Variants in SLC26A9 observed in about 807,000 individuals in gnomAD.
SLC26A9 encodes solute carrier family 26 member 9.
In SLC26A9, 46 loss-of-function variants were observed where a neutral mutation model predicts 87.1. That is an observed-to-expected ratio of 0.53 (90% CI 0.42 to 0.67). The LOEUF is 0.67. SLC26A9 is among the 30% of genes least tolerant of loss of function. The probability of loss-of-function intolerance (pLI) is 0.00; values close to 1 mark genes in which losing one functional copy is unlikely to be tolerated. For synonymous variants in SLC26A9, 437 were observed against 409.1 expected (o/e 1.07, Z -0.82); for missense variants, 927 against 1,018.3 (o/e 0.91, Z 1.22).
At chr1:205,928,117 C>A (rs1659158284) in intron 8 of SLC26A9, 68 bp from the exon 9 acceptor site, 2 of 1,554,758 alleles carry the variant, frequency 1.3e-6, no homozygotes, top group African/African-American at 1.3e-5. Context: ...AGTCCTTCAC[C>A]AGCCCACAGG....
chr1:205,918,852 G>T lies in SLC26A9; in HGVS notation c.2244C>A (p.His748Gln), dbSNP rs1658703252. 6.2e-7 allele frequency: 1 copy of T among 1,613,270 alleles called. No individual in the cohort carries two copies. Among genetic ancestry groups the T allele is most frequent in the East Asian group, 2.2e-5 (1 of 44,860 alleles). ...QANARDVTPG[H>Q]NFQGAPGDAE... is the part of the protein sequence containing the mutation. Reference sequence around the variant, plus strand: ...GCAAGAACCTTACCCCTTGGAAGTTGTGTCCTGGGGTCACGTCTCTAGCAT... The same window carrying T: ...GCAAGAACCTTACCCCTTGGAAGTTTTGTCCTGGGGTCACGTCTCTAGCAT... The change falls in exon 19 of 21, where the codon CAC becomes CAA. Residue 748 changes from histidine (H) to glutamine (Q), a missense_variant. By Grantham distance (24) the His-to-Gln change is conservative (BLOSUM62 0). Coordinates refer to ENST00000367135, the MANE Select transcript of SLC26A9 (RefSeq NM_052934.4).
chr1:205,923,745 C>A, intron 13 of SLC26A9, 132 bp from the exon 14 acceptor site: 1 of 948,292 alleles, frequency 1.1e-6, no homozygotes, highest in Non-Finnish European at 1.6e-6. Flanking sequence ...CTTGCTGTGT[C>A]TGTCTTTTTG....
At chr1:205,923,493 C>T in intron 14 of SLC26A9, 51 bp downstream of exon 14, 1 of 1,613,908 alleles carries the variant, frequency 6.2e-7, no homozygotes, top group Non-Finnish European at 8.5e-7. Context: ...GCAACCTCTT[C>T]TTGGGGTGGT....
rs376565302 is a variant in SLC26A9, at chr1:205,915,437, A to C, written c.2329-33T>G. 59 of 1,613,032 alleles carry C rather than the reference A, an allele frequency of 3.7e-5. No individual in the cohort carries two copies. In the African/African-American group the frequency reaches 7.1e-4, roughly 19 times the overall value. ...AACCACAGGAAGGAAGTGGGAGGGG[A>C]AGAGAGAGGTTAGACCAGTTGGGGT... On this transcript the variant is annotated intron_variant, in intron 20 of 20. Transcript: ENST00000367135.
At chr1:205,940,240 G>C (rs1267644236) in intron 1 of SLC26A9, among the ~76,000 whole-genome samples, 1 of 152,166 alleles carries the variant, frequency 6.6e-6, no homozygotes, top group Non-Finnish European at 1.5e-5. Flanking sequence ...GGGAAGCAAA[G>C]AGAAAATAGA....
chr1:205,925,819 G>A (rs1361807705), intron 12 of SLC26A9, among the ~76,000 whole-genome samples: 3 of 152,208 alleles, frequency 2.0e-5, no homozygotes, highest in African/African-American at 7.2e-5. Flanking sequence ...ATAGGTTATG[G>A]TGGGGCTTAA....
At position 205,926,187 on chromosome 1, in the gene SLC26A9, T is replaced by C. The variant is rs1277678329; in HGVS notation, c.1389+348A>G. Among the ~76,000 whole-genome samples, 3 of 152,200 alleles carry C rather than the reference T, an allele frequency of 2.0e-5. No homozygotes were observed. The South Asian group carries it at 6.2e-4, about 31-fold the overall frequency. On this transcript the variant is annotated intron_variant, in intron 12 of 20. Transcript: ENST00000367135. ...ATAAAGTAGTCATAGCTAAGCTTTATTGAGTATAAAATACGATGTAGACAA... is the reference window on the plus strand; with the variant it reads ...ATAAAGTAGTCATAGCTAAGCTTTACTGAGTATAAAATACGATGTAGACAA...
At chr1:205,920,789 C>G (rs1019262514) in intron 17 of SLC26A9, among the ~76,000 whole-genome samples, 1 of 152,244 alleles carries the variant, frequency 6.6e-6, no homozygotes. Flanking sequence ...TGAGCCACCA[C>G]GCCCGGCTGA....
At position 205,914,761 on chromosome 1, in the gene SLC26A9, A is replaced by AGG; in HGVS notation, c.*594_*595dup. The AGG allele has an allele frequency of 3.5e-6, 4 of 1,139,306 alleles. No individual in the cohort carries two copies. The highest frequency in any genetic ancestry group is 3.7e-6 in the Non-Finnish European group (3 of 802,590). 70.6% of individuals were successfully genotyped at this position (1,139,306 alleles called of 1,614,324 possible). A position where few individuals can be genotyped will look rare whatever the true frequency, so the allele number is the denominator to read the frequency against. ...GTTTGGGCAGCCTTGGGGATGATGG[A>AGG]GGGGGGGCGCATAGTTACCAAGGCC... On this transcript the variant is annotated 3_prime_UTR_variant, in exon 21 of 21. Coordinates refer to ENST00000367135, the MANE Select transcript of SLC26A9 (RefSeq NM_052934.4).
At chr1:205,919,029 T>G (rs1391687951) in intron 18 of SLC26A9, 44 bp from the exon 19 acceptor site, 2 of 1,608,274 alleles carry the variant, frequency 1.2e-6, no homozygotes, top group African/African-American at 2.7e-5. Context: ...ACAGCCATTG[T>G]GGATTGGAGC....
chr1:205,935,211 G>A, intron 2 of SLC26A9: 1 of 152,930 alleles, frequency 6.5e-6, no homozygotes, highest in East Asian at 1.9e-4. Flanking sequence ...GTCCCCTCAG[G>A]AAAGTTCAGA....
chr1:205,928,000 C>A lies in SLC26A9; in HGVS notation c.1003G>T (p.Gly335Cys). Residue 335 changes from glycine (G) to cysteine (C), a missense_variant, in exon 9 of 21, where the codon GGC (glycine) becomes TGC (cysteine). By Grantham distance (159) the Gly-to-Cys change is radical. Coordinates refer to ENST00000367135, the MANE Select transcript of SLC26A9 (RefSeq NM_052934.4). The stretch of plus-strand genomic sequence containing the variant: ...ACGATGGCTAGGGAGAAGGCTGTGC[C>A]TATCATGTCCTTCCACTGTGAGACC... Reference protein sequence around the residue: ...PVVSQWKDMIGTAFSLAIVSY... With the variant: ...PVVSQWKDMICTAFSLAIVSY... The A allele has an allele frequency of 6.2e-7, 1 of 1,614,144 alleles. No homozygotes were observed.
chr1:205,931,440 G>A (rs1659298900), intron 5 of SLC26A9, among the ~76,000 whole-genome samples: 1 of 150,008 alleles, frequency 6.7e-6, no homozygotes, highest in Non-Finnish European at 1.5e-5. Flanking sequence ...GGATGGGGAG[G>A]AGGGAGGAGG....
Position 205,929,367 on chromosome 1 carries a change from G to A in SLC26A9, c.718-11C>T. 1 of 1,613,224 alleles carries A rather than the reference G, an allele frequency of 6.2e-7. No individual in the cohort carries two copies. Among genetic ancestry groups the A allele is most frequent in the Non-Finnish European group, 8.5e-7 (1 of 1,179,368 alleles). ...AATGTCAATGAAGGTCTGGGGGAAA[G>A]AGCATCATGCTCACAGGCTCCCACC... On this transcript the variant is annotated splice_polypyrimidine_tract_variant and intron_variant, in intron 6 of 20. Transcript: ENST00000367135.
At chr1:205,927,657 G>A in intron 9 of SLC26A9, 52 bp from the exon 10 acceptor site, 1 of 1,544,892 alleles carries the variant, frequency 6.5e-7, no homozygotes, top group South Asian at 1.2e-5. Flanking sequence ...GGGGCACGGG[G>A]ACCAAGTGCA....
At chr1:205,926,002 G>A (rs12133152) in intron 12 of SLC26A9, among the ~76,000 whole-genome samples, 78,435 of 152,052 alleles carry the variant, frequency 0.52, 23,750 homozygotes, top group Non-Finnish European at 0.66. Flanking sequence ...AGCGTTTGAC[G>A]CAACCATGAC....
At chr1:205,920,784 C>A (rs529672905) in intron 17 of SLC26A9, among the ~76,000 whole-genome samples, 1 of 152,236 alleles carries the variant, frequency 6.6e-6, no homozygotes, top group African/African-American at 2.4e-5. Flanking sequence ...AGGAGTGAGC[C>A]ACCACGCCCG....
Position 205,915,079 on chromosome 1 carries a change from G to A in SLC26A9, c.*278C>T. ...GGCAGAGGTGGGTGGGGTGGAGTGA[G>A]CAGGAGGCTTGTCCATTGCGGCCAG... On this transcript the variant is annotated 3_prime_UTR_variant, in exon 21 of 21. Coordinates refer to ENST00000367135, the MANE Select transcript of SLC26A9 (RefSeq NM_052934.4). 1.9e-6 allele frequency: 3 copies of A among 1,614,134 alleles called. No individual in the cohort carries two copies. The African/African-American group carries it at 4.0e-5, about 22-fold the overall frequency.
In SLC26A9 at chr1:205,935,781, C is replaced by A; in HGVS notation, c.40G>T (p.Ala14Ser). 6.2e-7 allele frequency: 1 copy of A among 1,613,890 alleles called. No homozygotes were observed. The highest frequency in any genetic ancestry group is 8.5e-7 in the Non-Finnish European group (1 of 1,179,868). ...PRPRYVVDRAAYSLTLFDDEF... is the reference protein window; with the variant it reads ...PRPRYVVDRASYSLTLFDDEF... The stretch of plus-strand genomic sequence containing the variant: ...TCGTCGAAGAGGGTAAGGGAGTATG[C>A]GGCTCTGTCTACCACGTAGCGGGGC... The change falls in exon 2 of 21, where the codon GCA becomes TCA. Residue 14 changes from alanine to serine, a missense_variant. By Grantham distance (99) the Ala-to-Ser change is moderately conservative (BLOSUM62 1). Transcript: ENST00000367135.
Sources: gnomAD v4.1 joint callset for allele counts (sites outside exome capture counted in the v4.1 genomes callset) on GRCh38, gnomAD v4.1.1 for gene constraint, MANE v1.5 for transcripts, NCBI Gene and HGNC (gene_info 2026-07-23, HGNC 2026-07-21) for gene names.